Variants in UBFD1 observed in about 807,000 individuals in gnomAD.
UBFD1 encodes the protein ubiquitin domain-containing protein UBFD1.
In UBFD1, 12 loss-of-function variants were observed where a neutral mutation model predicts 35.1. That is an observed-to-expected ratio of 0.34 (90% CI 0.22 to 0.55). The LOEUF is 0.55. Ranked by LOEUF, UBFD1 falls within the 20% of genes least tolerant of loss-of-function variation. The pLI, the probability that UBFD1 is intolerant of heterozygous loss-of-function variation, is 0.89. For missense variants in UBFD1, 337 were observed against 410.8 expected (o/e 0.82, Z 1.55); for synonymous variants, 178 against 167.6 (o/e 1.06, Z -0.48).
chr16:23,560,022 A>G (rs964100576), intron 3 of UBFD1: 1 of 360,324 alleles, frequency 2.8e-6, no homozygotes, highest in Non-Finnish European at 3.9e-6. Context: ...ATTTTGTACA[A>G]GTGCTTACAT....
chr16:23,567,166 C>CA, intron 6 of UBFD1, 97 bp downstream of exon 6: 5 of 1,188,010 alleles, frequency 4.2e-6, no homozygotes, highest in South Asian at 1.4e-5. Flanking sequence ...GAAGAAAACT[C>CA]AGTCTCCAGA....
At chr16:23,560,122 C>T (rs567416939) in intron 3 of UBFD1, among the ~76,000 whole-genome samples, 6 of 152,034 alleles carry the variant, frequency 3.9e-5, no homozygotes, top group East Asian at 1.9e-4. Flanking sequence ...TAAAGCTGAC[C>T]GTTTCAGGAA....
chr16:23,569,700 G>A lies in UBFD1; in HGVS notation c.820-780G>A, dbSNP rs1338855363. 1.4e-5 allele frequency: 2 copies of A among 147,950 alleles called. 1 individual carries two copies. The highest frequency in any genetic ancestry group is 6.3e-3 in the Middle Eastern group (2 of 316). The allele number at this position is 147,950 out of a possible 1,614,324, so 9.2% of individuals were successfully genotyped here. ...AGAAATAAAGTTTATTCACAGCAAT[G>A]ATGGCCCCACTGTCTTCCCCTCCCC... On this transcript the variant is annotated intron_variant, in intron 6 of 6. Transcript: ENST00000395878.
chr16:23,558,184 A>C lies in UBFD1; in HGVS notation c.260A>C (p.Asp87Ala). 6.2e-7 allele frequency: 1 copy of C among 1,607,926 alleles called. No homozygotes were observed. The highest frequency in any genetic ancestry group is 8.5e-7 in the Non-Finnish European group (1 of 1,177,674). The change falls in exon 2 of 7, where the codon GAC becomes GCC. Residue 87 changes from aspartate (D) to alanine (A), a missense_variant. Around this residue, in one of 4 missense-constraint regions of UBFD1, gnomAD observed 198 missense variants for 168.4 expected, o/e 1.18. Coordinates refer to ENST00000395878, the MANE Select transcript of UBFD1 (RefSeq NM_019116.3). The stretch of plus-strand genomic sequence containing the variant: ...GGCGGCGCGGGCAGGGAGCTGGTGG[A>C]CTTGAAGATCATCTGGAATAAGACC... ...AGGGAGRELVDLKIIWNKTKH... is the reference protein window; with the variant it reads ...AGGGAGRELVALKIIWNKTKH...
At chr16:23,568,163 T>TTC (rs1450320278) in intron 6 of UBFD1, among the ~76,000 whole-genome samples, 1 of 149,268 alleles carries the variant, frequency 6.7e-6, no homozygotes, top group Non-Finnish European at 1.5e-5. Flanking sequence ...TAGTCTTTTT[T>TTC]TTTTTTTTTT....
In UBFD1 at chr16:23,561,160, G is replaced by A. The variant is rs141741842; in HGVS notation, c.565-1046G>A. Among the ~76,000 whole-genome samples, 27 of 152,306 alleles carry A rather than the reference G, an allele frequency of 1.8e-4. No homozygotes were observed. The East Asian group carries it at 5.2e-3, about 29-fold the overall frequency. Reference sequence around the variant, plus strand: ...GATGCATCACATGACCTAATGAGAGGGATATAGTCCCTTGCCTTTTTACCA... The same window carrying A: ...GATGCATCACATGACCTAATGAGAGAGATATAGTCCCTTGCCTTTTTACCA... On this transcript the variant is annotated intron_variant, in intron 3 of 6. Coordinates refer to ENST00000395878, the MANE Select transcript of UBFD1 (RefSeq NM_019116.3).
chr16:23,558,177 C>G lies in UBFD1; in HGVS notation c.253C>G (p.Leu85Val), dbSNP rs750502304. 4 of 1,607,234 alleles carry G rather than the reference C, an allele frequency of 2.5e-6. No individual in the cohort carries two copies. The highest frequency in any genetic ancestry group is 1.7e-6 in the Non-Finnish European group (2 of 1,177,484). ...EDAGGGAGRE[L>V]VDLKIIWNKT... Reference sequence around the variant, plus strand: ...CGCGGGCGGCGGCGCGGGCAGGGAGCTGGTGGACTTGAAGATCATCTGGAA... The same window carrying G: ...CGCGGGCGGCGGCGCGGGCAGGGAGGTGGTGGACTTGAAGATCATCTGGAA... Residue 85 changes from leucine to valine, a missense_variant, in exon 2 of 7, where the codon CTG becomes GTG. Leu to Val is a conservative substitution (Grantham distance 32, BLOSUM62 1). This residue lies in a region of UBFD1 where 198 missense variants were observed against 168.4 expected (regional missense o/e 1.18). Coordinates refer to ENST00000395878, the MANE Select transcript of UBFD1 (RefSeq NM_019116.3).
intron 5 of UBFD1, chr16:23,564,359 T>C (rs1965981208): frequency 6.6e-6 from 1 of 152,252 alleles, no homozygotes; most frequent in Admixed American, 6.5e-5. Context: ...AATTTTATGA[T>C]AACTTGCTAT....
Position 23,571,780 on chromosome 16 carries a change from A to T in UBFD1, c.*1190A>T, listed in dbSNP as rs573379398. 5.2e-5 allele frequency: 8 copies of T among 152,794 alleles called. No individual in the cohort carries two copies. Among genetic ancestry groups the T allele is most frequent in the African/African-American group, 1.9e-4 (8 of 41,580 alleles). The allele number at this position is 152,794 out of a possible 1,614,324, so 9.5% of individuals were successfully genotyped here. A position where few individuals can be genotyped will look rare whatever the true frequency, so the allele number is the denominator to read the frequency against. On this transcript the variant is annotated 3_prime_UTR_variant, in exon 7 of 7. Coordinates refer to ENST00000395878, the MANE Select transcript of UBFD1 (RefSeq NM_019116.3). Reference sequence around the variant, plus strand: ...TTATTGAACAACAAAAATGGGATAAATTGCTTTCATGATTAGCTCACCTTC... The same window carrying T: ...TTATTGAACAACAAAAATGGGATAATTTGCTTTCATGATTAGCTCACCTTC...
At chr16:23,560,051 G>A (rs7205366) in intron 3 of UBFD1, among the ~76,000 whole-genome samples, 12,516 of 152,086 alleles carry the variant, frequency 0.082, 917 homozygotes, top group African/African-American at 0.19. Flanking sequence ...TTGGTTTGTG[G>A]CTTTCCCCAA....
chr16:23,564,997 T>C (rs1268408312), intron 5 of UBFD1: 1 of 152,176 alleles, frequency 6.6e-6, no homozygotes, highest in African/African-American at 2.4e-5. Context: ...TACTCATGTT[T>C]TCTAGGGTTG....
chr16:23,566,779 C>T, intron 5 of UBFD1: 1 of 511,158 alleles, frequency 2.0e-6, no homozygotes, highest in South Asian at 3.0e-5. Context: ...CAGTTTCCCA[C>T]TTGCTCCTAC....
Position 23,558,167 on chromosome 16 carries a change from G to T in UBFD1, c.243G>T (p.Ala81=). 1.2e-6 allele frequency: 2 copies of T among 1,605,558 alleles called. No individual in the cohort carries two copies. The highest frequency in any genetic ancestry group is 1.7e-6 in the Non-Finnish European group (2 of 1,176,778). ...ACGGCGAAGACGCGGGCGGCGGCGC[G>T]GGCAGGGAGCTGGTGGACTTGAAGA... ...VSNGEDAGGG[A]GRELVDLKII... Residue 81 remains alanine, a synonymous_variant, in exon 2 of 7, where the codon GCG becomes GCT. Transcript: ENST00000395878.
chr16:23,562,591 C>T (rs374608161), intron 4 of UBFD1, 34 bp from the exon 5 acceptor site: 44 of 1,594,648 alleles, frequency 2.8e-5, no homozygotes, highest in African/African-American at 1.6e-4. Flanking sequence ...TTCTGACTGT[C>T]CCTCCATCTC....
chr16:23,567,546 C>T (rs982427435), intron 6 of UBFD1, among the ~76,000 whole-genome samples: 1 of 152,198 alleles, frequency 6.6e-6, no homozygotes, highest in Admixed American at 6.5e-5. Flanking sequence ...GTGGGGAAGA[C>T]GGGCTCTGTG....
rs1966084860 is a variant in UBFD1 at position 23,571,532 on chromosome 16, G to C, written c.*942G>C. ...AAGCAGACAAAGACCTCTTCCAGGA[G>C]GAGCCAGGTAGAAGATAGTTATACA... is the stretch of plus-strand genomic sequence containing the variant. On this transcript the variant is annotated 3_prime_UTR_variant, in exon 7 of 7. Coordinates refer to ENST00000395878, the MANE Select transcript of UBFD1 (RefSeq NM_019116.3). The C allele has an allele frequency of 6.6e-6, 1 of 152,430 alleles. No individual in the cohort carries two copies. Among genetic ancestry groups the C allele is most frequent in the Non-Finnish European group, 1.5e-5 (1 of 68,080 alleles). The allele number at this position is 152,430 out of a possible 1,614,324, so 9.4% of individuals were successfully genotyped here.
At position 23,572,176 on chromosome 16, in the gene UBFD1, T is replaced by C. The variant is rs1966094302; in HGVS notation, c.*1586T>C. The stretch of plus-strand genomic sequence containing the variant: ...CACATAGACAGACTCTTGCTTTCCA[T>C]GGTGTAGTCAATGCCAAGTGATGCA... On this transcript the variant is annotated 3_prime_UTR_variant, in exon 7 of 7. Transcript: ENST00000395878. 6.6e-6 allele frequency: 1 copy of C among 152,670 alleles called. No homozygotes were observed. Among genetic ancestry groups the C allele is most frequent in the Non-Finnish European group, 1.5e-5 (1 of 68,042 alleles). The allele number at this position is 152,670 out of a possible 1,614,324, so 9.5% of individuals were successfully genotyped here.
At chr16:23,565,801 G>A (rs1966001673) in intron 5 of UBFD1, 1 of 152,130 alleles carries the variant, frequency 6.6e-6, no homozygotes, top group Non-Finnish European at 1.5e-5. Context: ...TTTCTGCAAA[G>A]GCTGCAAGTT....
rs1597046626 is a variant in UBFD1 at position 23,571,583 on chromosome 16, CCTT to C, written c.*997_*999del. 6.5e-6 allele frequency: 1 copy of C among 152,740 alleles called. No homozygotes were observed. Among genetic ancestry groups the C allele is most frequent in the African/African-American group, 2.4e-5 (1 of 41,598 alleles). The allele number at this position is 152,740 out of a possible 1,614,324, so 9.5% of individuals were successfully genotyped here. ...GCCATATAGCTGCAGATCCAGATAA[CCTT>C]CTTTCTTTGGAAGTTTTCAAGAAAT... On this transcript the variant is annotated 3_prime_UTR_variant, in exon 7 of 7. Coordinates refer to ENST00000395878, the MANE Select transcript of UBFD1 (RefSeq NM_019116.3).
Sources: allele counts gnomAD v4.1 joint callset (sites outside exome capture counted in the v4.1 genomes callset), GRCh38; gene constraint gnomAD v4.1.1; regional missense constraint gnomAD v4.1.1; transcripts MANE v1.5; gene names NCBI Gene and HGNC (gene_info 2026-07-23, HGNC 2026-07-21).